Variants in TDRD7 observed in about 807,000 individuals in gnomAD.
TDRD7 encodes the protein tudor domain containing 7.
TDRD7 carries 47 observed loss-of-function variants against 109.8 expected under a neutral mutation model. That is an observed-to-expected ratio of 0.43 (90% confidence interval 0.34 to 0.55). TDRD7 has a LOEUF of 0.55. TDRD7 is among the 20% of genes least tolerant of loss of function. The probability of loss-of-function intolerance (pLI) is 0.03; values close to 1 mark genes in which losing one functional copy is unlikely to be tolerated. For synonymous variants in TDRD7, 424 were observed against 457.3 expected (o/e 0.93, Z 0.93); for missense variants, 1,164 against 1,319.2 (o/e 0.88, Z 1.82).
At chr9:97,451,783 C>T (rs551633719) in intron 6 of TDRD7, among the ~76,000 whole-genome samples, 1 of 152,314 alleles carries the variant, frequency 6.6e-6, no homozygotes, top group Admixed American at 6.5e-5. Context: ...CCTGTGGGAT[C>T]TGATGCTGTC....
At chr9:97,459,415 A>G (rs1240922742) in intron 6 of TDRD7, among the ~76,000 whole-genome samples, 3 of 152,240 alleles carry the variant, frequency 2.0e-5, no homozygotes, top group African/African-American at 7.2e-5. Context: ...GCATTGGGCC[A>G]TGCTCTAGTA....
chr9:97,472,413 A>G lies in TDRD7; in HGVS notation c.1862A>G (p.Asp621Gly). The G allele has an allele frequency of 6.2e-7, 1 of 1,613,980 alleles. No individual in the cohort carries two copies. The highest frequency in any genetic ancestry group is 8.5e-7 in the Non-Finnish European group (1 of 1,179,908). ...KADIPLVVLY[D>G]TSGEDDININ... ...GACATTCCACTTGTTGTTCTGTACG[A>G]TACCTCAGGAGAAGATGATATCAAT... Residue 621 changes from aspartate to glycine, a missense_variant, in exon 10 of 17, where the codon GAT becomes GGT. Coordinates refer to ENST00000355295, the MANE Select transcript of TDRD7 (RefSeq NM_014290.3).
At chr9:97,495,639 C>T (rs1318462526) in intron 16 of TDRD7, 24 bp from the exon 17 acceptor site, 15 of 1,606,958 alleles carry the variant, frequency 9.3e-6, no homozygotes, top group African/African-American at 1.3e-5. Context: ...TCACTGCTCC[C>T]TCTTCTTCCT....
At chr9:97,418,751 C>T (rs993697589) in intron 1 of TDRD7, among the ~76,000 whole-genome samples, 7 of 152,178 alleles carry the variant, frequency 4.6e-5, no homozygotes, top group Admixed American at 2.0e-4. Context: ...TCCTTTCAAA[C>T]CTGAATCACA....
At chr9:97,435,763 G>A (rs915779735) in intron 4 of TDRD7, among the ~76,000 whole-genome samples, 24 of 152,148 alleles carry the variant, frequency 1.6e-4, no homozygotes, top group African/African-American at 5.5e-4. Flanking sequence ...CTACCCAGTG[G>A]CAGATGTTAT....
At chr9:97,435,728 A>G (rs1253984081) in intron 4 of TDRD7, among the ~76,000 whole-genome samples, 4 of 152,170 alleles carry the variant, frequency 2.6e-5, no homozygotes, top group Non-Finnish European at 5.9e-5. Context: ...TATTTGAAAG[A>G]TATCTTTTAA....
At chr9:97,470,873 A>C (rs768964692) in intron 9 of TDRD7, among the ~76,000 whole-genome samples, 21 of 152,210 alleles carry the variant, frequency 1.4e-4, no homozygotes, top group Non-Finnish European at 2.6e-4. Context: ...ATATATAAAA[A>C]CGTATTATAA....
At chr9:97,428,980 C>A (rs1828054708) in intron 2 of TDRD7, among the ~76,000 whole-genome samples, 1 of 152,146 alleles carries the variant, frequency 6.6e-6, no homozygotes, top group South Asian at 2.1e-4. Context: ...ATCACACCTG[C>A]CTATTACAGA....
chr9:97,475,248 T>C, intron 11 of TDRD7, 135 bp from the exon 12 acceptor site: 8 of 731,126 alleles, frequency 1.1e-5, no homozygotes, highest in South Asian at 7.4e-5. Context: ...CCTGTGTGTT[T>C]GCTGCATCCA....
At chr9:97,467,267 A>G (rs758059405) in intron 8 of TDRD7, among the ~76,000 whole-genome samples, 16 of 152,248 alleles carry the variant, frequency 1.1e-4, no homozygotes, top group Non-Finnish European at 8.8e-5. Context: ...TTAACAGTGT[A>G]ACAATATTTA....
intron 6 of TDRD7, among the ~76,000 whole-genome samples, chr9:97,442,723 G>A (rs959278241): frequency 6.6e-6 from 1 of 151,988 alleles, no homozygotes; most frequent in Non-Finnish European, 1.5e-5. Context: ...CATATATTTT[G>A]GCCCCCAAGC....
chr9:97,439,513 TA>T (rs1267396860), intron 5 of TDRD7, among the ~76,000 whole-genome samples, 195 bp downstream of exon 5: 1 of 152,184 alleles, frequency 6.6e-6, no homozygotes, highest in Admixed American at 6.5e-5. Context: ...TATCATTATC[TA>T]AACACTGACT....
At chr9:97,489,266 AT>A (rs1338123477) in intron 16 of TDRD7, among the ~76,000 whole-genome samples, 1 of 151,922 alleles carries the variant, frequency 6.6e-6, no homozygotes, top group Non-Finnish European at 1.5e-5. Flanking sequence ...ATCAGAGTGG[AT>A]TTTTTTCATT....
intron 6 of TDRD7, among the ~76,000 whole-genome samples, chr9:97,455,405 C>T (rs1828586970): frequency 6.6e-6 from 1 of 152,176 alleles, no homozygotes; most frequent in Non-Finnish European, 1.5e-5. Flanking sequence ...CCCTGATGAA[C>T]ATCAATGTGA....
At chr9:97,420,126 T>C (rs1170638410) in intron 1 of TDRD7, among the ~76,000 whole-genome samples, 2 of 152,158 alleles carry the variant, frequency 1.3e-5, no homozygotes, top group African/African-American at 4.8e-5. Flanking sequence ...AACCCAAATG[T>C]GTATCAACAT....
intron 8 of TDRD7, among the ~76,000 whole-genome samples, chr9:97,466,049 A>C (rs138121699): frequency 1.8e-4 from 27 of 152,262 alleles, no homozygotes; most frequent in Non-Finnish European, 4.0e-4. Flanking sequence ...AAGCAGGGAA[A>C]TATGTTTCTA....
At chr9:97,437,152 C>T (rs1828216073) in intron 4 of TDRD7, among the ~76,000 whole-genome samples, 1 of 152,154 alleles carries the variant, frequency 6.6e-6, no homozygotes. Flanking sequence ...CAACAAGACA[C>T]ATTTTCTTAC....
chr9:97,455,656 G>A (rs767725263), intron 6 of TDRD7, among the ~76,000 whole-genome samples: 10 of 152,100 alleles, frequency 6.6e-5, no homozygotes, highest in Non-Finnish European at 7.3e-5. Flanking sequence ...AATAAACTAC[G>A]TATTGATGGA....
intron 6 of TDRD7, among the ~76,000 whole-genome samples, chr9:97,449,179 C>G (rs1828448679): frequency 6.6e-6 from 1 of 152,110 alleles, no homozygotes; most frequent in African/African-American, 2.4e-5. Context: ...TATGTTTTTC[C>G]TCTGCTGTCA....
Sources: allele counts gnomAD v4.1 joint callset (sites outside exome capture counted in the v4.1 genomes callset), GRCh38; gene constraint gnomAD v4.1.1; transcripts MANE v1.5; gene names NCBI Gene and HGNC (gene_info 2026-07-23, HGNC 2026-07-21).